MOSPD2: variants seen among roughly 807,000 people sequenced by gnomAD.
MOSPD2 encodes motile sperm domain-containing protein 2.
In MOSPD2, 5 loss-of-function variants were observed where a neutral mutation model predicts 41.7. That is an observed-to-expected ratio of 0.12 (90% CI 0.06 to 0.25). MOSPD2 has a LOEUF of 0.25. Among genes scored for constraint, MOSPD2 ranks in the 10% least tolerant of loss-of-function variants. The pLI, the probability that MOSPD2 is intolerant of heterozygous loss-of-function variation, is 1.00. For synonymous variants in MOSPD2, 115 were observed against 126.9 expected (o/e 0.91, Z 0.63); for missense variants, 282 against 375.2 (o/e 0.75, Z 2.05).
rs1697019686 is a variant in MOSPD2, at chrX:14,916,076, A to G, written c.1187-121A>G. ...TTTTAGAACTTTTTCCTTTTTAAAG[A>G]CATTTCCATTTTCTTCTTTTTCCTT... is the stretch of plus-strand genomic sequence containing the variant. On this transcript the variant is annotated intron_variant, in intron 12 of 14. Coordinates refer to ENST00000380492, the MANE Select transcript of MOSPD2 (RefSeq NM_152581.4). The G allele has an allele frequency of 2.8e-6, 3 of 1,084,369 alleles. No individual in the cohort carries two copies. The Admixed American group carries it at 8.9e-5, about 32-fold the overall frequency. 89.4% of individuals were successfully genotyped at this position (1,084,369 alleles called of 1,213,427 possible). A position where few individuals can be genotyped will look rare whatever the true frequency, so the allele number is the denominator to read the frequency against.
rs778320150 is a variant in MOSPD2 at position 14,897,192 on chromosome X, C to T, written c.431C>T (p.Pro144Leu). 5 of 1,207,070 alleles carry T rather than the reference C, an allele frequency of 4.1e-6. No homozygotes were observed. In the Admixed American group the frequency reaches 1.1e-4, roughly 26 times the overall value. Residue 144 changes from proline (P) to leucine (L), a missense_variant, in exon 5 of 15, where the codon CCT (proline) becomes CTT (leucine). Pro to Leu is a moderately conservative substitution (Grantham distance 98, BLOSUM62 -3). Transcript: ENST00000380492. ...TATGCTAAGAGGGAAAATGGGAAAC[C>T]TGTAACAGTGATGTTTGACCTGTCA... ...ERYAKRENGK[P>L]VTVMFDLSET...
intron 2 of MOSPD2, among the ~76,000 whole-genome samples, chrX:14,884,316 C>A (rs1262945722): frequency 9.0e-6 from 1 of 111,188 alleles, no homozygotes; most frequent in Non-Finnish European, 1.9e-5. Flanking sequence ...TAAGAAAAAA[C>A]AAATAATAAT....
intron 2 of MOSPD2, among the ~76,000 whole-genome samples, chrX:14,891,563 A>T (rs1309800171): frequency 2.9e-5 from 3 of 102,697 alleles, no homozygotes; most frequent in South Asian, 4.3e-4. Context: ...TTTTATATTT[A>T]ATTTATTTAT....
chrX:14,897,209 G>C lies in MOSPD2; in HGVS notation c.448G>C (p.Asp150His). 8.3e-7 allele frequency: 1 copy of C among 1,204,281 alleles called. No individual in the cohort carries two copies. The highest frequency in any genetic ancestry group is 2.3e-4 in the Middle Eastern group (1 of 4,306). ...TGGGAAACCTGTAACAGTGATGTTTGACCTGTCAGAAACTGGAATAAATAG... is the reference window on the plus strand; with the variant it reads ...TGGGAAACCTGTAACAGTGATGTTTCACCTGTCAGAAACTGGAATAAATAG... Reference protein sequence around the residue: ...ENGKPVTVMFDLSETGINSID... With the variant: ...ENGKPVTVMFHLSETGINSID... The change falls in exon 5 of 15, where the codon GAC becomes CAC. Residue 150 changes from aspartate (D) to histidine (H), a missense_variant. Transcript: ENST00000380492.
At chrX:14,909,665 G>A (rs890940089) in intron 8 of MOSPD2, among the ~76,000 whole-genome samples, 2 of 111,350 alleles carry the variant, frequency 1.8e-5, no homozygotes, top group East Asian at 2.8e-4. Flanking sequence ...GACTTGGTAC[G>A]CTTTGGGTTA....
At position 14,888,258 on chromosome X, in the gene MOSPD2, A is replaced by G. The variant is rs755652163; in HGVS notation, c.80-4465A>G. Among the ~76,000 whole-genome samples the G allele has an allele frequency of 1.7e-4, 18 of 107,075 alleles. No individual in the cohort carries two copies. In the East Asian group the frequency reaches 5.3e-3, roughly 31 times the overall value. The allele number at this position is 107,075 out of a possible 115,157, so 93.0% of individuals were successfully genotyped here. On this transcript the variant is annotated intron_variant, in intron 2 of 14. Coordinates refer to ENST00000380492, the MANE Select transcript of MOSPD2 (RefSeq NM_152581.4). The stretch of plus-strand genomic sequence containing the variant: ...CACACACACACACACACCTTTTTAT[A>G]AAACTGAACCCTTCTGATATGGTTT...
intron 4 of MOSPD2, among the ~76,000 whole-genome samples, chrX:14,895,822 CA>C (rs1474366112): frequency 9.0e-6 from 1 of 110,658 alleles, no homozygotes; most frequent in Non-Finnish European, 1.9e-5. Context: ...ATGAAAGGAA[CA>C]GTAACAATCA....
At chrX:14,902,001 T>A (rs1346263369) in intron 6 of MOSPD2, among the ~76,000 whole-genome samples, 1 of 110,519 alleles carries the variant, frequency 9.0e-6, no homozygotes, top group Non-Finnish European at 1.9e-5. Flanking sequence ...CATATATATA[T>A]ATTCTACCTA....
At chrX:14,912,383 A>C in intron 10 of MOSPD2, 22 bp downstream of exon 10, 1 of 996,239 alleles carries the variant, frequency 1.0e-6, no homozygotes, top group African/African-American at 2.0e-5. Flanking sequence ...AGATTTTATT[A>C]GCTATAATTT....
At chrX:14,901,265 T>G (rs970403618) in intron 6 of MOSPD2, among the ~76,000 whole-genome samples, 3 of 111,503 alleles carry the variant, frequency 2.7e-5, no homozygotes, top group Non-Finnish European at 3.8e-5. Flanking sequence ...GGGTTCACCC[T>G]AGGGAAGCCG....
In MOSPD2 at chrX:14,921,300, T is replaced by C; in HGVS notation, c.*1491T>C. ...TTATGAAGAATGATATAACAGTTCCTTCAAAATTGGCCTAGGAAATAAAAC... is the reference window on the plus strand; with the variant it reads ...TTATGAAGAATGATATAACAGTTCCCTCAAAATTGGCCTAGGAAATAAAAC... On this transcript the variant is annotated 3_prime_UTR_variant, in exon 15 of 15. Transcript: ENST00000380492. The C allele has an allele frequency of 1.1e-6, 1 of 934,300 alleles. No individual in the cohort carries two copies. The highest frequency in any genetic ancestry group is 1.3e-6 in the Non-Finnish European group (1 of 753,646). The allele number at this position is 934,300 out of a possible 1,213,427, so 77.0% of individuals were successfully genotyped here.
Position 14,920,604 on chromosome X carries a change from C to T in MOSPD2, c.*795C>T. ...TCATGTTGTCCACTATAGCTGGACA[C>T]TGAACCTTTTGCCTAATTTATTATA... On this transcript the variant is annotated 3_prime_UTR_variant, in exon 15 of 15. Transcript: ENST00000380492. 1.3e-6 allele frequency: 1 copy of T among 753,252 alleles called. No homozygotes were observed. Among genetic ancestry groups the T allele is most frequent in the Non-Finnish European group, 1.6e-6 (1 of 638,465 alleles). The allele number at this position is 753,252 out of a possible 1,213,427, so 62.1% of individuals were successfully genotyped here.
chrX:14,887,868 G>C (rs1338581207), intron 2 of MOSPD2, among the ~76,000 whole-genome samples: 4 of 110,619 alleles, frequency 3.6e-5, no homozygotes, highest in African/African-American at 1.3e-4. Context: ...CCATTGTCAT[G>C]TATCTTTAGT....
At position 14,921,347 on chromosome X, in the gene MOSPD2, T is replaced by C. The variant is rs1316470731; in HGVS notation, c.*1538T>C. ...AAACCTTAAAAGGACACTGGTGTGC[T>C]ACTTTGTCTTAATTTGGGCTTTTCT... On this transcript the variant is annotated 3_prime_UTR_variant, in exon 15 of 15. Coordinates refer to ENST00000380492, the MANE Select transcript of MOSPD2 (RefSeq NM_152581.4). 2 of 935,268 alleles carry C rather than the reference T, an allele frequency of 2.1e-6. No individual in the cohort carries two copies. Among genetic ancestry groups the C allele is most frequent in the Admixed American group, 5.9e-5 (1 of 16,980 alleles). The allele number at this position is 935,268 out of a possible 1,213,427, so 77.1% of individuals were successfully genotyped here.
rs911520894 is a variant in MOSPD2, at chrX:14,881,923, A to C, written c.79+8165A>C. Among the ~76,000 whole-genome samples, 6 of 110,540 alleles carry C rather than the reference A, an allele frequency of 5.4e-5. No homozygotes were observed. The East Asian group carries it at 1.7e-3, about 31-fold the overall frequency. On this transcript the variant is annotated intron_variant, in intron 2 of 14. Coordinates refer to ENST00000380492, the MANE Select transcript of MOSPD2 (RefSeq NM_152581.4). ...AAACTATGGCAAGGACAGAAAACCA[A>C]ACACCGCATGTTCTCACTCATAGGT...
chrX:14,904,044 A>T, intron 7 of MOSPD2, among the ~76,000 whole-genome samples: 1 of 112,221 alleles, frequency 8.9e-6, no homozygotes, highest in East Asian at 2.8e-4. Flanking sequence ...CCAGGCCCAG[A>T]TGGCTTCACT....
At chrX:14,877,042 C>A (rs2092521710) in intron 2 of MOSPD2, among the ~76,000 whole-genome samples, 1 of 111,432 alleles carries the variant, frequency 9.0e-6, no homozygotes, top group African/African-American at 3.3e-5. Context: ...AGGTATGGGG[C>A]ATGTTCCAAA....
chrX:14,904,496 G>T (rs774504628), intron 7 of MOSPD2, among the ~76,000 whole-genome samples: 2 of 111,699 alleles, frequency 1.8e-5, no homozygotes, highest in East Asian at 5.6e-4. Flanking sequence ...GACCACAGTA[G>T]TCCACACAAG....
chrX:14,889,175 A>G (rs899410467), intron 2 of MOSPD2, among the ~76,000 whole-genome samples: 2 of 110,676 alleles, frequency 1.8e-5, no homozygotes, highest in East Asian at 5.7e-4. Flanking sequence ...ATGAGGGAGG[A>G]ACCCTTATGG....
Sources: gnomAD v4.1 joint callset for allele counts (sites outside exome capture counted in the v4.1 genomes callset) on GRCh38, gnomAD v4.1.1 for gene constraint, MANE v1.5 for transcripts, NCBI Gene and HGNC (gene_info 2026-07-23, HGNC 2026-07-21) for gene names.